Variants in MRTFA observed in about 807,000 individuals in gnomAD.
MRTFA encodes myocardin-related transcription factor A.
Under a neutral mutation model 83.5 loss-of-function variants are expected in MRTFA, and 20 were observed. The ratio of observed to expected loss-of-function variants is 0.24; its 90% CI spans 0.17 to 0.35. MRTFA has a LOEUF of 0.35. Among genes scored for constraint, MRTFA ranks in the 10% least tolerant of loss-of-function variants. The probability of loss-of-function intolerance (pLI) is 1.00; values close to 1 mark genes in which losing one functional copy is unlikely to be tolerated. For missense variants in MRTFA, 1,200 were observed against 1,224.7 expected, an observed-to-expected ratio of 0.98 and a Z score of 0.30; for synonymous variants, 659 against 541.2, an observed-to-expected ratio of 1.22 and a Z score of -3.02.
intron 1 of MRTFA, among the ~76,000 whole-genome samples, chr22:40,600,240 G>A (rs2056243318): frequency 6.6e-6 from 1 of 152,116 alleles, no homozygotes; most frequent in South Asian, 2.1e-4. Context: ...CCTGAAACAA[G>A]TAAGGGAGGC....
chr22:40,592,414 C>T (rs2056134610), intron 2 of MRTFA, among the ~76,000 whole-genome samples: 1 of 151,126 alleles, frequency 6.6e-6, no homozygotes, highest in Non-Finnish European at 1.5e-5. Flanking sequence ...TTCCACACTG[C>T]ACTCCAGCCT....
At position 40,626,583 on chromosome 22, in the gene MRTFA, C is replaced by T. The variant is rs77489454; in HGVS notation, c.-84+9895G>A. ...GCGTGAGCCACCACGCCCAGCCAAC[C>T]CTTACTTTTAATTTCTAAATTTCTC... On this transcript the variant is annotated intron_variant, in intron 1 of 14. Coordinates refer to ENST00000355630, the MANE Select transcript of MRTFA (RefSeq NM_020831.6). Among the ~76,000 whole-genome samples, 1,156 of 152,216 alleles carry T rather than the reference C, an allele frequency of 7.6e-3. 8 individuals are homozygous for T. The highest frequency in any genetic ancestry group is 0.013 in the Non-Finnish European group (898 of 68,012).
At chr22:40,515,416 G>A (rs1186103592) in intron 3 of MRTFA, among the ~76,000 whole-genome samples, 2 of 151,932 alleles carry the variant, frequency 1.3e-5, no homozygotes, top group Non-Finnish European at 2.9e-5. Context: ...ATACTAGGCC[G>A]GGTGTGGTGG....
At chr22:40,430,796 G>A (rs1415307242) in intron 6 of MRTFA, among the ~76,000 whole-genome samples, 1 of 150,052 alleles carries the variant, frequency 6.7e-6, no homozygotes, top group Non-Finnish European at 1.5e-5. Context: ...GAAGATAAGA[G>A]GTTGCAGTGA....
chr22:40,553,763 G>C (rs149226634), intron 2 of MRTFA, among the ~76,000 whole-genome samples: 1 of 152,296 alleles, frequency 6.6e-6, no homozygotes, highest in African/African-American at 2.4e-5. Flanking sequence ...AGAGCTGTGA[G>C]AAGGCCACCA....
intron 4 of MRTFA, among the ~76,000 whole-genome samples, chr22:40,436,106 C>A (rs998838619): frequency 9.2e-5 from 14 of 152,274 alleles, no homozygotes; most frequent in African/African-American, 3.1e-4. Flanking sequence ...ACTGCCTAAG[C>A]TTGGGCTATA....
intron 3 of MRTFA, among the ~76,000 whole-genome samples, chr22:40,501,920 T>G (rs2054485579): frequency 1.5e-5 from 1 of 67,988 alleles, no homozygotes; most frequent in Non-Finnish European, 2.8e-5. Flanking sequence ...CACTTCCCAG[T>G]AGGGGCGGCT....
At chr22:40,495,306 G>C (rs1456336099) in intron 3 of MRTFA, among the ~76,000 whole-genome samples, 2 of 152,102 alleles carry the variant, frequency 1.3e-5, no homozygotes, top group African/African-American at 4.8e-5. Context: ...AAAAAAATTA[G>C]CCAGGTGTGG....
At chr22:40,574,619 G>A (rs1300382594) in intron 2 of MRTFA, among the ~76,000 whole-genome samples, 1 of 151,862 alleles carries the variant, frequency 6.6e-6, no homozygotes, top group African/African-American at 2.4e-5. Flanking sequence ...CTTTTTGGTA[G>A]AGACGGGGTT....
At chr22:40,541,865 A>C (rs2055296533) in intron 3 of MRTFA, among the ~76,000 whole-genome samples, 1 of 152,108 alleles carries the variant, frequency 6.6e-6, no homozygotes, top group Admixed American at 6.5e-5. Context: ...ACAGGGTTTC[A>C]CCATGTTGGC....
intron 1 of MRTFA, among the ~76,000 whole-genome samples, chr22:40,616,533 G>C (rs992266675): frequency 6.6e-6 from 1 of 152,152 alleles, no homozygotes; most frequent in Non-Finnish European, 1.5e-5. Context: ...AGATAAGAAG[G>C]TGACAAATGA....
intron 3 of MRTFA, among the ~76,000 whole-genome samples, chr22:40,528,042 T>C (rs984242531): frequency 6.6e-6 from 1 of 152,190 alleles, no homozygotes; most frequent in African/African-American, 2.4e-5. Context: ...TAAGCCAGAA[T>C]ACTGATGACA....
At chr22:40,562,480 A>G (rs1404067906) in intron 2 of MRTFA, among the ~76,000 whole-genome samples, 1 of 150,048 alleles carries the variant, frequency 6.7e-6, no homozygotes, top group African/African-American at 2.5e-5. Context: ...CAAAATTGTG[A>G]TATGTAATAA....
At chr22:40,454,324 C>T (rs189439898) in intron 4 of MRTFA, among the ~76,000 whole-genome samples, 3 of 152,268 alleles carry the variant, frequency 2.0e-5, no homozygotes, top group Admixed American at 2.0e-4. Flanking sequence ...CCATGTTGTC[C>T]AGGCTGGTCT....
rs1240533418 is a variant in MRTFA at position 40,470,555 on chromosome 22, T to C, written c.242-7269A>G. Among the ~76,000 whole-genome samples, 4 of 151,428 alleles carry C rather than the reference T, an allele frequency of 2.6e-5. No individual in the cohort carries two copies. The East Asian group carries it at 5.8e-4, about 22-fold the overall frequency. ...TTTACCTTAAGAAACTAGATGAATA[T>C]GAAATTCAGCTAATTTTAAAAAAGG... On this transcript the variant is annotated intron_variant, in intron 3 of 14. Transcript: ENST00000355630.
intron 4 of MRTFA, among the ~76,000 whole-genome samples, chr22:40,445,051 A>T (rs1346745289): frequency 1.3e-5 from 2 of 152,220 alleles, no homozygotes; most frequent in African/African-American, 4.8e-5. Context: ...TGGGCAACAG[A>T]ATAAGAGCCT....
chr22:40,504,314 G>A (rs965360527), intron 3 of MRTFA, among the ~76,000 whole-genome samples: 9 of 152,138 alleles, frequency 5.9e-5, no homozygotes, highest in Non-Finnish European at 8.8e-5. Flanking sequence ...AACAGTTCAA[G>A]GCTGTACTAA....
intron 5 of MRTFA, among the ~76,000 whole-genome samples, chr22:40,432,655 A>G (rs2053091020): frequency 6.7e-6 from 1 of 149,946 alleles, no homozygotes; most frequent in African/African-American, 2.5e-5. Context: ...TATATATAGT[A>G]AAGGTAAAGA....
chr22:40,540,341 A>T (rs2055267687), intron 3 of MRTFA, among the ~76,000 whole-genome samples: 1 of 152,056 alleles, frequency 6.6e-6, no homozygotes, highest in African/African-American at 2.4e-5. Context: ...TCTCTTTGAA[A>T]ATTCAGTTTA....
Sources: allele counts gnomAD v4.1 joint callset (sites outside exome capture counted in the v4.1 genomes callset), GRCh38; gene constraint gnomAD v4.1.1; transcripts MANE v1.5; gene names NCBI Gene and HGNC (gene_info 2026-07-23, HGNC 2026-07-21).